The following FSTL4 variants were observed in gnomAD, a reference collection of about 807,000 sequenced individuals.
The protein encoded by FSTL4 is follistatin like 4.
Under a neutral mutation model 78.2 loss-of-function variants are expected in FSTL4, and 28 were observed. The ratio of observed to expected loss-of-function variants is 0.36; its 90% CI spans 0.27 to 0.49. FSTL4 has a LOEUF of 0.49. FSTL4 is among the 20% of genes least tolerant of loss of function. The probability of loss-of-function intolerance (pLI) is 0.98; values close to 1 mark genes in which losing one functional copy is unlikely to be tolerated. For missense variants in FSTL4, 922 were observed against 1,084.9 expected, an observed-to-expected ratio of 0.85 and a Z score of 2.11; for synonymous variants, 422 against 440.5, an observed-to-expected ratio of 0.96 and a Z score of 0.53.
chr5:133,816,868 G>C, the FSTL4 span, among the ~76,000 whole-genome samples: 1 of 152,208 alleles, frequency 6.6e-6, no homozygotes, highest in African/African-American at 2.4e-5. Flanking sequence ...CCCAGGGAGG[G>C]CCTAGCCTCT....
chr5:133,420,716 C>T (rs572867507), intron 3 of FSTL4, among the ~76,000 whole-genome samples: 1 of 152,362 alleles, frequency 6.6e-6, no homozygotes, highest in East Asian at 1.9e-4. Flanking sequence ...GAGAGGGTCA[C>T]ACACCCATGC....
chr5:133,737,507 T>C, the FSTL4 span, among the ~76,000 whole-genome samples: 7,967 of 152,238 alleles, frequency 0.052, 678 homozygotes, highest in African/African-American at 0.18. Context: ...CATTTATCTG[T>C]TGATGGACAC....
chr5:133,196,851 C>T lies in FSTL4; in HGVS notation c.*2244G>A, dbSNP rs989618876. On this transcript the variant is annotated 3_prime_UTR_variant, in exon 16 of 16. Coordinates refer to ENST00000265342, the MANE Select transcript of FSTL4 (RefSeq NM_015082.2). ...CCTCCTGGGGCTGGACTCCTGAAAC[C>T]CTGACCTAGGCTTCAGGCCTGCTTC... 6.6e-6 allele frequency: 1 copy of T among 152,364 alleles called. No individual in the cohort carries two copies. Among genetic ancestry groups the T allele is most frequent in the Non-Finnish European group, 1.5e-5 (1 of 68,130 alleles). The allele number at this position is 152,364 out of a possible 1,614,324, so 9.4% of individuals were successfully genotyped here.
chr5:133,227,555 T>C (rs1751371510), intron 8 of FSTL4, among the ~76,000 whole-genome samples: 6 of 151,896 alleles, frequency 4.0e-5, no homozygotes, highest in Admixed American at 3.9e-4. Context: ...TTGGGGGTGG[T>C]TGGAGAAGGT....
At chr5:133,650,515 A>G in the FSTL4 span, among the ~76,000 whole-genome samples, 1 of 152,188 alleles carries the variant, frequency 6.6e-6, no homozygotes, top group Non-Finnish European at 1.5e-5. Context: ...ATTTTTTTGC[A>G]CATGGATGAC....
chr5:133,700,861 C>T, the FSTL4 span, among the ~76,000 whole-genome samples: 81 of 152,322 alleles, frequency 5.3e-4, no homozygotes, highest in Middle Eastern at 3.4e-3. Context: ...AAGTTATTCC[C>T]GGCCTTCATT....
In FSTL4 at chr5:133,361,102, G is replaced by A. The variant is rs140206046; in HGVS notation, c.409+39636C>T. On this transcript the variant is annotated intron_variant, in intron 4 of 15. Coordinates refer to ENST00000265342, the MANE Select transcript of FSTL4 (RefSeq NM_015082.2). The surrounding 1 kb of genome is among the most constrained non-coding windows in gnomAD (Gnocchi z 4.3). ...AATGAGTTAAATGACCCAGAGTCAG[G>A]AGAACATCAGATTAACTTTTTCTGA... 7.1e-3 allele frequency among the ~76,000 whole-genome samples: 1,077 copies of A among 152,258 alleles called. 9 individuals carry two copies. The highest frequency in any genetic ancestry group is 0.025 in the African/African-American group (1,028 of 41,530).
chr5:133,477,684 C>G (rs1290896246), intron 3 of FSTL4, among the ~76,000 whole-genome samples: 2 of 152,204 alleles, frequency 1.3e-5, no homozygotes, highest in Non-Finnish European at 2.9e-5. Context: ...TTGTCTGCTT[C>G]TCTTCTCTTA....
chr5:133,381,601 C>G (rs993507398), intron 4 of FSTL4, among the ~76,000 whole-genome samples: 1 of 152,222 alleles, frequency 6.6e-6, no homozygotes, highest in Non-Finnish European at 1.5e-5. Flanking sequence ...ATTTCTAAAG[C>G]ACAGCCTAAT....
the FSTL4 span, among the ~76,000 whole-genome samples, chr5:133,811,184 T>C: frequency 6.6e-6 from 1 of 152,220 alleles, no homozygotes; most frequent in African/African-American, 2.4e-5. Context: ...ACAAAGGTTA[T>C]TGAGTTCTGA....
At chr5:133,216,048 T>C (rs116739824) in intron 13 of FSTL4, among the ~76,000 whole-genome samples, 1,573 of 152,324 alleles carry the variant, frequency 0.01, 23 homozygotes, top group African/African-American at 0.034. Context: ...GATGTAGACA[T>C]CTTGGGGGCT....
chr5:133,265,513 T>C (rs1021925565), intron 6 of FSTL4, among the ~76,000 whole-genome samples: 1 of 152,188 alleles, frequency 6.6e-6, no homozygotes, highest in African/African-American at 2.4e-5. Context: ...AGGATGCCTG[T>C]CTGGGGCCTC....
the FSTL4 span, among the ~76,000 whole-genome samples, chr5:133,803,615 G>C: frequency 1.2e-4 from 19 of 152,170 alleles, no homozygotes; most frequent in Non-Finnish European, 2.5e-4. Flanking sequence ...GCAGAAACAT[G>C]GGGGCAGAAG....
At chr5:133,806,260 C>A in the FSTL4 span, among the ~76,000 whole-genome samples, 1 of 151,940 alleles carries the variant, frequency 6.6e-6, no homozygotes, top group South Asian at 2.1e-4. Context: ...GAGTAGACAA[C>A]GTCCTCCACT....
chr5:133,792,327 T>A, the FSTL4 span, among the ~76,000 whole-genome samples: 1 of 152,216 alleles, frequency 6.6e-6, no homozygotes, highest in South Asian at 2.1e-4. Context: ...ACATGGGGTC[T>A]GCCAGGCACC....
At chr5:133,276,494 G>A (rs1478364177) in intron 6 of FSTL4, among the ~76,000 whole-genome samples, 1 of 152,154 alleles carries the variant, frequency 6.6e-6, no homozygotes, top group Non-Finnish European at 1.5e-5. Context: ...GGCAGGGAGG[G>A]CCCTGTAGGA....
At chr5:133,283,715 C>G (rs1175534060) in intron 6 of FSTL4, among the ~76,000 whole-genome samples, 1 of 152,140 alleles carries the variant, frequency 6.6e-6, no homozygotes. Context: ...GCTGTTGGCT[C>G]ACAGCACTGC....
intron 6 of FSTL4, among the ~76,000 whole-genome samples, chr5:133,287,204 T>C (rs984799231): frequency 1.3e-5 from 2 of 151,870 alleles, no homozygotes; most frequent in South Asian, 2.1e-4. Context: ...CTGGCTAACA[T>C]GGTGAAACTC....
At chr5:133,473,757 TAGGGAAGCCTC>T (rs995547022) in intron 3 of FSTL4, among the ~76,000 whole-genome samples, 1 of 152,192 alleles carries the variant, frequency 6.6e-6, no homozygotes, top group Non-Finnish European at 1.5e-5. Context: ...TTCCCATGGC[TAGGGAAGCCTC>T]AGGAAACTTA....
Sources: allele counts gnomAD v4.1 joint callset (sites outside exome capture counted in the v4.1 genomes callset), GRCh38; gene constraint gnomAD v4.1.1; non-coding constraint Gnocchi (gnomAD v3.1); transcripts MANE v1.5; gene names NCBI Gene and HGNC (gene_info 2026-07-23, HGNC 2026-07-21).